The following MACF1 variants were observed in gnomAD, a reference collection of about 807,000 sequenced individuals.
MACF1 encodes the protein microtubule-actin cross-linking factor 1.
Under a neutral mutation model 854.8 loss-of-function variants are expected in MACF1, and 193 were observed. The observed-to-expected ratio is 0.23, with a 90% confidence interval of 0.20 to 0.25. The LOEUF is 0.25. Ranked by LOEUF, MACF1 falls within the 10% of genes least tolerant of loss-of-function variation. The probability of loss-of-function intolerance (pLI) is 1.00; values close to 1 mark genes in which losing one functional copy is unlikely to be tolerated. For missense variants in MACF1, 7,722 were observed against 8,929.1 expected, an observed-to-expected ratio of 0.86 and a Z score of 5.45; for synonymous variants, 3,185 against 3,226.7, an observed-to-expected ratio of 0.99 and a Z score of 0.44.
At chr1:39,096,351 A>G (rs1641935523) in intron 2 of MACF1, among the ~76,000 whole-genome samples, 1 of 151,900 alleles carries the variant, frequency 6.6e-6, no homozygotes, top group South Asian at 2.1e-4. Flanking sequence ...GACAAGGGCT[A>G]TAGAAGTTAT....
intron 100 of MACF1, chr1:39,485,309 C>G: frequency 1.9e-6 from 1 of 533,736 alleles, no homozygotes; most frequent in South Asian, 2.5e-5. Flanking sequence ...TGGAAGGTGA[C>G]AGTGCTGCTG....
At chr1:39,309,424 T>G in intron 23 of MACF1, 146 bp from the exon 24 acceptor site, 67 of 889,844 alleles carry the variant, frequency 7.5e-5, no homozygotes, top group Non-Finnish European at 9.2e-5. Flanking sequence ...TAAAAATTCC[T>G]GAGATGCTAG....
At chr1:39,300,541 A>G (rs1045497669) in intron 22 of MACF1, among the ~76,000 whole-genome samples, 179 bp downstream of exon 22, 8 of 151,932 alleles carry the variant, frequency 5.3e-5, no homozygotes, top group African/African-American at 1.5e-4. Flanking sequence ...CTTCAACACT[A>G]TAATCTTGAC....
At position 39,190,609 on chromosome 1, in the gene MACF1, G is replaced by A. The variant is rs1185732368; in HGVS notation, c.221-40573G>A. On this transcript the variant is annotated intron_variant, in intron 2 of 93. Coordinates refer to the MACF1 transcript ENST00000361689. ...CCCTCTCGGCCTCCCAAAGTACTGC[G>A]ATTACAGACGTGAGCCACCGCCTTG... is the stretch of plus-strand genomic sequence containing the variant. 4.6e-5 allele frequency among the ~76,000 whole-genome samples: 7 copies of A among 151,604 alleles called. No individual in the cohort carries two copies. In the East Asian group the frequency reaches 1.2e-3, roughly 25 times the overall value.
chr1:39,374,664 G>T (rs1649556652), intron 52 of MACF1, among the ~76,000 whole-genome samples: 1 of 152,142 alleles, frequency 6.6e-6, no homozygotes, highest in Non-Finnish European at 1.5e-5. Context: ...GGTTGTGACT[G>T]TATTCCAGTA....
At chr1:39,112,248 A>G (rs1642429911) in intron 2 of MACF1, among the ~76,000 whole-genome samples, 1 of 151,840 alleles carries the variant, frequency 6.6e-6, no homozygotes, top group Admixed American at 6.6e-5. Flanking sequence ...CACCACGCCC[A>G]GCTAATTTTT....
chr1:39,395,492 A>G (rs1642236060), intron 58 of MACF1, among the ~76,000 whole-genome samples: 1 of 152,172 alleles, frequency 6.6e-6, no homozygotes, highest in South Asian at 2.1e-4. Flanking sequence ...CCTCCTGGTC[A>G]CTTTCCCTGG....
At chr1:39,410,574 G>A in intron 58 of MACF1, 1 of 1,614,036 alleles carries the variant, frequency 6.2e-7, no homozygotes, top group Non-Finnish European at 8.5e-7. Context: ...ATGCACTAAA[G>A]CTAAGCAGTG....
Position 39,428,091 on chromosome 1 carries a change from C to T in MACF1, c.16607C>T (p.Ala5536Val). 6.2e-7 allele frequency: 1 copy of T among 1,614,184 alleles called. No homozygotes were observed. The highest frequency in any genetic ancestry group is 8.5e-7 in the Non-Finnish European group (1 of 1,180,040). Reference sequence around the variant, plus strand: ...TCAGAAAAGATAGACTCATTGCAGGCCCGATACAGTGAAATTCAAGACCGC... The same window carrying T: ...TCAGAAAAGATAGACTCATTGCAGGTCCGATACAGTGAAATTCAAGACCGC... ...VLSEKIDSLQ[A>V]RYSEIQDRCC... Residue 5536 changes from alanine (A) to valine (V), a missense_variant, in exon 63 of 101, where the codon GCC becomes GTC. This residue lies in a region of MACF1 where 2,807 missense variants were observed against 3,235.8 expected (regional missense o/e 0.87). Coordinates refer to ENST00000564288, the MANE Select transcript of MACF1 (RefSeq NM_001394062.1).
In MACF1 at chr1:39,460,637, A is replaced by G; in HGVS notation, c.21366A>G (p.Lys7122=). Residue 7122 remains lysine (K), a synonymous_variant, in exon 92 of 101, where the codon AAA becomes AAG. Coordinates refer to ENST00000564288, the MANE Select transcript of MACF1 (RefSeq NM_001394062.1). This position sits in a 1 kb window ranked among gnomAD's most constrained non-coding sequence, Gnocchi z 4.1. ...NDALDRLEEL[K]EFANFDFDVW... The stretch of plus-strand genomic sequence containing the variant: ...CACTTCTGATTTCTGTGTAGTTGAA[A>G]GAATTTGCCAACTTTGACTTTGATG... 6.2e-7 allele frequency: 1 copy of G among 1,614,186 alleles called. No individual in the cohort carries two copies. The highest frequency in any genetic ancestry group is 8.5e-7 in the Non-Finnish European group (1 of 1,180,008).
At chr1:39,429,684 C>A in intron 64 of MACF1, 143 bp from the exon 65 acceptor site, 1 of 785,770 alleles carries the variant, frequency 1.3e-6, no homozygotes, top group South Asian at 1.9e-5. Flanking sequence ...CCCATTTGCC[C>A]TTAGTATGGG....
intron 10 of MACF1, 60 bp from the exon 11 acceptor site, chr1:39,284,273 G>A (rs549766892): frequency 1.3e-6 from 2 of 1,564,818 alleles, no homozygotes; most frequent in Non-Finnish European, 8.6e-7. Flanking sequence ...AGGTGAGGTG[G>A]TATGAAAAAT....
rs1485055160 is a variant in MACF1 at position 39,336,585 on chromosome 1, C to A, written c.9997C>A (p.Pro3333Thr). ...LRESPGSEQT[P>T]FMTAPEGKGN... is the part of the protein sequence containing the mutation. ...AGAAAGCCCTGGCAGTGAACAAACT[C>A]CCTTCATGACTGCACCTGAAGGAAA... Residue 3333 changes from proline to threonine, a missense_variant, in exon 37 of 101, where the codon CCC (proline) becomes ACC (threonine). This residue lies in a region of MACF1 where 854 missense variants were observed against 852.6 expected (regional missense o/e 1.00). Transcript: ENST00000564288. 8 of 1,613,956 alleles carry A rather than the reference C, an allele frequency of 5.0e-6. No homozygotes were observed. The highest frequency in any genetic ancestry group is 6.8e-6 in the Non-Finnish European group (8 of 1,180,008).
chr1:39,319,554 A>C, intron 30 of MACF1, 110 bp from the exon 31 acceptor site: 2 of 702,730 alleles, frequency 2.8e-6, no homozygotes, highest in Non-Finnish European at 4.8e-6. Context: ...CCTTTCCAGC[A>C]ATTCTGATGC....
At chr1:39,479,697 A>G (rs2124223648) in intron 97 of MACF1, 101 bp from the exon 98 acceptor site, 2 of 943,212 alleles carry the variant, frequency 2.1e-6, no homozygotes, top group East Asian at 5.2e-5. Flanking sequence ...AAACCCATAT[A>G]ACTTATATAA....
chr1:39,394,845 C>G (rs1026965053), intron 58 of MACF1, among the ~76,000 whole-genome samples: 2 of 152,128 alleles, frequency 1.3e-5, no homozygotes, highest in African/African-American at 4.8e-5. Context: ...CTTGGTATGA[C>G]CTGTCTGTCA....
At chr1:39,432,787 TTTGG>T in intron 67 of MACF1, 133 bp downstream of exon 67, 2 of 1,110,366 alleles carry the variant, frequency 1.8e-6, no homozygotes, top group East Asian at 2.8e-5. Context: ...TTTCTATGTA[TTTGG>T]TTGAGATGAG....
intron 58 of MACF1, 128 bp from the exon 59 acceptor site, chr1:39,422,246 T>C (rs187395184): frequency 5.5e-5 from 37 of 673,614 alleles, no homozygotes; most frequent in Non-Finnish European, 5.5e-5. Flanking sequence ...TGCAAATGCT[T>C]GTTCTTTCTT....
chr1:39,440,712 G>A (rs1194341570), intron 72 of MACF1, among the ~76,000 whole-genome samples: 1 of 152,030 alleles, frequency 6.6e-6, no homozygotes, highest in Non-Finnish European at 1.5e-5. Flanking sequence ...TAGACTTCTA[G>A]CTGTTGATTA....
Sources: gnomAD v4.1 joint callset for allele counts (sites outside exome capture counted in the v4.1 genomes callset) on GRCh38, gnomAD v4.1.1 for gene constraint, gnomAD v4.1.1 regional missense constraint, Gnocchi (gnomAD v3.1) non-coding constraint, MANE v1.5 for transcripts, NCBI Gene and HGNC (gene_info 2026-07-23, HGNC 2026-07-21) for gene names.